The following PLOD3 variants were observed in gnomAD, a reference collection of about 807,000 sequenced individuals.
PLOD3 encodes the protein procollagen-lysine,2-oxoglutarate 5-dioxygenase 3.
Under a neutral mutation model 96.9 loss-of-function variants are expected in PLOD3, and 73 were observed. That is an observed-to-expected ratio of 0.75 (90% CI 0.62 to 0.92). The LOEUF (loss-of-function observed/expected upper bound fraction) is 0.92. Ranked by LOEUF, PLOD3 falls within the 40% of genes least tolerant of loss-of-function variation. The pLI is 0.00. For missense variants in PLOD3, 1,004 were observed against 1,004.3 expected (o/e 1.00, Z 0.00); for synonymous variants, 454 against 413.7 (o/e 1.10, Z -1.18).
At chr7:101,212,032 G>C (rs1170397770) in intron 10 of PLOD3, 82 bp from the exon 11 acceptor site, 3 of 1,074,192 alleles carry the variant, frequency 2.8e-6, no homozygotes, top group Non-Finnish European at 2.8e-6. Flanking sequence ...CCCAGGAGAA[G>C]AGGAGGGAGG....
Position 101,211,835 on chromosome 7 carries a change from G to C in PLOD3, c.1232+11C>G. 1 of 1,606,366 alleles carries C rather than the reference G, an allele frequency of 6.2e-7. No homozygotes were observed. Among genetic ancestry groups the C allele is most frequent in the Middle Eastern group, 1.7e-4 (1 of 6,038 alleles). ...GGTGCCCTCCGGCTGCGGGGAGAGG[G>C]GGTAAGCCACCTGTTCTCCTCAATG... On this transcript the variant is annotated intron_variant, in intron 11 of 18. Coordinates refer to ENST00000223127, the MANE Select transcript of PLOD3 (RefSeq NM_001084.5).
At chr7:101,206,992 T>C in intron 17 of PLOD3, 88 bp from the exon 18 acceptor site, 1 of 1,430,078 alleles carries the variant, frequency 7.0e-7, no homozygotes. Flanking sequence ...TTTGAGATAG[T>C]CTCGCTCTGT....
intron 17 of PLOD3, 113 bp from the exon 18 acceptor site, chr7:101,207,017 T>A: frequency 7.9e-7 from 1 of 1,265,432 alleles, no homozygotes; most frequent in Non-Finnish European, 1.1e-6. Context: ...CAGGCTGGAG[T>A]GCAGTGGTGC....
intron 10 of PLOD3, 151 bp from the exon 11 acceptor site, chr7:101,212,101 G>A: frequency 1.8e-6 from 2 of 1,128,606 alleles, no homozygotes; most frequent in Non-Finnish European, 2.6e-6. Context: ...GCAAGGGCAG[G>A]AGTGACAGCA....
intron 16 of PLOD3, chr7:101,208,618 G>C (rs1798123835): frequency 2.0e-6 from 1 of 508,480 alleles, no homozygotes; most frequent in East Asian, 4.1e-5. Flanking sequence ...AACTCCCCCT[G>C]CTCGAGCAAT....
At chr7:101,211,432 C>T in intron 12 of PLOD3, 159 bp downstream of exon 12, 2 of 693,680 alleles carry the variant, frequency 2.9e-6, no homozygotes, top group Non-Finnish European at 4.8e-6. Context: ...CCTCCTACCT[C>T]AGCCTCCCAA....
chr7:101,206,484 T>C (rs1427141583), intron 18 of PLOD3, 48 bp from the exon 19 acceptor site: 1 of 1,540,550 alleles, frequency 6.5e-7, no homozygotes, highest in Non-Finnish European at 8.8e-7. Flanking sequence ...ACGTGGGGCC[T>C]GGGGAGCAGG....
At position 101,206,388 on chromosome 7, in the gene PLOD3, T is replaced by A. The variant is rs988564631; in HGVS notation, c.2110A>T (p.Arg704Trp). The change falls in exon 19 of 19, where the codon AGG becomes TGG. Residue 704 changes from arginine (R) to tryptophan (W), a missense_variant. Arg to Trp is a moderately radical substitution (Grantham distance 101, BLOSUM62 -3). Around this residue, in one of 5 missense-constraint regions of PLOD3, gnomAD observed 222 missense variants for 220.4 expected, o/e 1.01. Transcript: ENST00000223127. Reference sequence around the variant, plus strand: ...GGGTGCAGGAGTGCCCAGCCCTTCCTCGGGGAGGAGATCACACAGTCGTAG... The same window carrying A: ...GGGTGCAGGAGTGCCCAGCCCTTCCACGGGGAGGAGATCACACAGTCGTAG... ...LRYDCVISSP[R>W]KGWALLHPGR... The A allele has an allele frequency of 6.2e-7, 1 of 1,613,440 alleles. No homozygotes were observed. Among genetic ancestry groups the A allele is most frequent in the Non-Finnish European group, 8.5e-7 (1 of 1,179,742 alleles).
chr7:101,207,663 A>G lies in PLOD3; in HGVS notation c.1850T>C (p.Val617Ala). The G allele has an allele frequency of 6.2e-7, 1 of 1,613,724 alleles. No homozygotes were observed. The highest frequency in any genetic ancestry group is 8.5e-7 in the Non-Finnish European group (1 of 1,179,884). ...VPTVDIHMKQ[V>A]GYEDQWLQLL... ...CTGCAGCCACTGGTCCTCGTACCCC[A>G]CCTGCTTCATGTGGATGTCCACGGT... Residue 617 changes from valine to alanine, a missense_variant, in exon 17 of 19, where the codon GTG (valine) becomes GCG (alanine). This residue lies in a region of PLOD3 where 222 missense variants were observed against 220.4 expected (regional missense o/e 1.01). Transcript: ENST00000223127.
rs1372255624 is a variant in PLOD3, at chr7:101,216,306, C to T, written c.359G>A (p.Gly120Asp). The T allele has an allele frequency of 6.2e-7, 1 of 1,613,308 alleles. No individual in the cohort carries two copies. Among genetic ancestry groups the T allele is most frequent in the Non-Finnish European group, 8.5e-7 (1 of 1,180,028 alleles). ...CTTCTTCAGCAGCTCTGTGGGGCTG[C>T]CGGCCAGAATCACGTCGTAGCTGGG... is the stretch of plus-strand genomic sequence containing the variant. ...FVDSYDVILA[G>D]SPTELLKKFV... The change falls in exon 4 of 19, where the codon GGC becomes GAC. Residue 120 changes from glycine to aspartate, a missense_variant. Around this residue, in one of 5 missense-constraint regions of PLOD3, gnomAD observed 690 missense variants for 650.2 expected, o/e 1.06. Transcript: ENST00000223127.
At position 101,212,659 on chromosome 7, in the gene PLOD3, G is replaced by T; in HGVS notation, c.880-4C>A. 1 of 1,613,690 alleles carries T rather than the reference G, an allele frequency of 6.2e-7. No individual in the cohort carries two copies. The highest frequency in any genetic ancestry group is 2.2e-5 in the East Asian group (1 of 44,874). On this transcript the variant is annotated splice_region_variant and splice_polypyrimidine_tract_variant and intron_variant, in intron 8 of 18. Transcript: ENST00000223127. ...CCAGAAACACCCGGGGGGGAGGCTG[G>T]AAGATGCAACACGCAGGGACTCAGA...
Position 101,212,849 on chromosome 7 carries a change from C to T in PLOD3, c.872G>A (p.Gly291Glu), listed in dbSNP as rs200279103. 5.0e-6 allele frequency: 8 copies of T among 1,611,976 alleles called. No individual in the cohort carries two copies. Among genetic ancestry groups the T allele is most frequent in the South Asian group, 1.1e-5 (1 of 90,982 alleles). Reference protein sequence around the residue: ...FCNQDRRTLPGGQPPPRVFLA... With the variant: ...FCNQDRRTLPEGQPPPRVFLA... ...CTGGCACCCCCACCTCACCTGCCCC[C>T]CCGGGAGTGTCCTCCGGTCCTGGTT... The change falls in exon 8 of 19, where the codon GGG becomes GAG. Residue 291 changes from glycine to glutamate, a missense_variant. By Grantham distance (98) the Gly-to-Glu change is moderately conservative. This residue lies in a region of PLOD3 where 690 missense variants were observed against 650.2 expected (regional missense o/e 1.06). Coordinates refer to ENST00000223127, the MANE Select transcript of PLOD3 (RefSeq NM_001084.5).
In PLOD3 at chr7:101,211,870, A is replaced by G. The variant is rs1798187440; in HGVS notation, c.1208T>C (p.Leu403Pro). 6.2e-7 allele frequency: 1 copy of G among 1,612,412 alleles called. No individual in the cohort carries two copies. Among genetic ancestry groups the G allele is most frequent in the Admixed American group, 1.7e-5 (1 of 59,840 alleles). Residue 403 changes from leucine to proline, a missense_variant, in exon 11 of 19, where the codon CTG (leucine) becomes CCG (proline). This residue lies in a region of PLOD3 where 690 missense variants were observed against 650.2 expected (regional missense o/e 1.06). Coordinates refer to ENST00000223127, the MANE Select transcript of PLOD3 (RefSeq NM_001084.5). Reference sequence around the variant, plus strand: ...CCTGTTCTCCTCAATGAGGATACGCAGGGTCTGCAGGTTGGTGAGGACAGC... The same window carrying G: ...CCTGTTCTCCTCAATGAGGATACGCGGGGTCTGCAGGTTGGTGAGGACAGC... ...ADAVLTNLQT[L>P]RILIEENRKV...
rs562902765 is a variant in PLOD3 at position 101,210,382 on chromosome 7, G to A, written c.1563C>T (p.Tyr521=). The A allele has an allele frequency of 3.7e-6, 6 of 1,614,180 alleles. No individual in the cohort carries two copies. The highest frequency in any genetic ancestry group is 1.7e-5 in the Admixed American group (1 of 60,018). The change falls in exon 14 of 19, where the codon TAC becomes TAT. Residue 521 remains tyrosine, a synonymous_variant. Transcript: ENST00000223127. ...EFGRLLATSR[Y]DTEHLHPDLW... is the part of the protein sequence containing the mutation. The stretch of plus-strand genomic sequence containing the variant: ...GGTCGGGGTGCAGGTGCTCCGTGTC[G>A]TATCTGGAAGTGGCCAGGAGCCGGC...
At position 101,214,456 on chromosome 7, in the gene PLOD3, C is replaced by T. The variant is rs564180597; in HGVS notation, c.679+633G>A. Among the ~76,000 whole-genome samples, 7 of 152,258 alleles carry T rather than the reference C, an allele frequency of 4.6e-5. No individual in the cohort carries two copies. In the East Asian group the frequency reaches 1.4e-3, roughly 30 times the overall value. On this transcript the variant is annotated intron_variant, in intron 6 of 18. Coordinates refer to ENST00000223127, the MANE Select transcript of PLOD3 (RefSeq NM_001084.5). ...TCTCTCTCTCCCCGTTCTCCCCATCCCCTGAGGCAAGTCACCAACCCCTCC... is the reference window on the plus strand; with the variant it reads ...TCTCTCTCTCCCCGTTCTCCCCATCTCCTGAGGCAAGTCACCAACCCCTCC...
intron 18 of PLOD3, 48 bp from the exon 19 acceptor site, chr7:101,206,484 TG>T (rs1798085935): frequency 1.3e-6 from 2 of 1,540,542 alleles, no homozygotes; most frequent in Non-Finnish European, 1.8e-6. Flanking sequence ...ACGTGGGGCC[TG>T]GGGAGCAGGC....
chr7:101,215,236 C>T lies in PLOD3; in HGVS notation c.616-84G>A, dbSNP rs73408462. 1.5e-3 allele frequency: 1,530 copies of T among 1,051,406 alleles called. 17 individuals carry two copies. The African/African-American group carries it at 0.022, about 15-fold the overall frequency. 65.1% of individuals were successfully genotyped at this position (1,051,406 alleles called of 1,614,324 possible). Reference sequence around the variant, plus strand: ...TTCTCACTTTTCTCTCTCTTTTTTTCTTCTCTTGCTTTTGTTGCTTAGGCT... The same window carrying T: ...TTCTCACTTTTCTCTCTCTTTTTTTTTTCTCTTGCTTTTGTTGCTTAGGCT... On this transcript the variant is annotated intron_variant, in intron 5 of 18. Coordinates refer to ENST00000223127, the MANE Select transcript of PLOD3 (RefSeq NM_001084.5).
intron 5 of PLOD3, 59 bp downstream of exon 5, chr7:101,215,849 G>A: frequency 8.5e-7 from 1 of 1,183,256 alleles, no homozygotes; most frequent in South Asian, 1.2e-5. Flanking sequence ...ATCCCATTCA[G>A]CCTGAGGCCT....
rs138165832 is a variant in PLOD3, at chr7:101,206,855, G to T, written c.1985C>A (p.Pro662Gln). The T allele has an allele frequency of 2.1e-4, 323 of 1,565,802 alleles. No homozygotes were observed. Among genetic ancestry groups the T allele is most frequent in the Non-Finnish European group, 2.5e-4 (291 of 1,154,898 alleles). The change falls in exon 18 of 19, where the codon CCG (proline) becomes CAG (glutamine). Residue 662 changes from proline (P) to glutamine (Q), a missense_variant. Transcript: ENST00000223127. ...FVVRYRPDEQ[P>Q]SLRPHHDSST... ...TGAGTCGTGGTGTGGCCGCAGAGACGGCTGCTCGTCTGGCCGGTAGCGAAC... is the reference window on the plus strand; with the variant it reads ...TGAGTCGTGGTGTGGCCGCAGAGACTGCTGCTCGTCTGGCCGGTAGCGAAC...
Sources: gnomAD v4.1 joint callset for allele counts (sites outside exome capture counted in the v4.1 genomes callset) on GRCh38, gnomAD v4.1.1 for gene constraint, gnomAD v4.1.1 regional missense constraint, MANE v1.5 for transcripts, NCBI Gene and HGNC (gene_info 2026-07-23, HGNC 2026-07-21) for gene names.